The following CSMD2 variants were observed in gnomAD, a reference collection of about 807,000 sequenced individuals.
CSMD2 encodes the protein CUB and Sushi multiple domains 2.
A neutral mutation model predicts 398.5 loss-of-function variants in CSMD2; 130 were observed. The ratio of observed to expected loss-of-function variants is 0.33; its 90% CI spans 0.28 to 0.38. The LOEUF (loss-of-function observed/expected upper bound fraction) is 0.38, where lower values mean the gene tolerates loss of function less well. Among genes scored for constraint, CSMD2 ranks in the 10% least tolerant of loss-of-function variants. The pLI is 1.00. For missense variants in CSMD2, 3,829 were observed against 4,764.9 expected (o/e 0.80, Z 5.78); for synonymous variants, 1,828 against 1,908.5 (o/e 0.96, Z 1.10).
At chr1:33,714,847 C>T (rs980184583) in intron 20 of CSMD2, 72 bp from the exon 21 acceptor site, 45 of 1,453,176 alleles carry the variant, frequency 3.1e-5, no homozygotes, top group Admixed American at 5.3e-5. Flanking sequence ...TGGGAACGCA[C>T]AGGCAAAACA....
At chr1:33,958,590 G>C (rs1645245810) in intron 3 of CSMD2, among the ~76,000 whole-genome samples, 2 of 152,192 alleles carry the variant, frequency 1.3e-5, no homozygotes, top group South Asian at 4.1e-4. Flanking sequence ...TAAGCCCTGA[G>C]GGTTTAGAGG....
intron 5 of CSMD2, among the ~76,000 whole-genome samples, chr1:33,868,472 T>A (rs979121164): frequency 1.3e-5 from 2 of 152,206 alleles, no homozygotes; most frequent in Middle Eastern, 3.4e-3. Flanking sequence ...GCGCGGTGGC[T>A]CATACCTGTA....
intron 15 of CSMD2, among the ~76,000 whole-genome samples, chr1:33,733,188 C>A (rs1438649570): frequency 1.3e-5 from 2 of 152,174 alleles, no homozygotes; most frequent in Non-Finnish European, 2.9e-5. Flanking sequence ...AAGTCCTTTC[C>A]TCTGACCAGA....
chr1:34,153,023 A>C (rs1571282634), intron 1 of CSMD2, among the ~76,000 whole-genome samples: 1 of 152,132 alleles, frequency 6.6e-6, no homozygotes. Flanking sequence ...CTTTCTTTTT[A>C]ATTTTTTTTT....
chr1:33,951,529 A>C (rs1337019136), intron 3 of CSMD2, among the ~76,000 whole-genome samples: 2 of 152,180 alleles, frequency 1.3e-5, no homozygotes, highest in Non-Finnish European at 1.5e-5. Context: ...TACATCGTTG[A>C]CTGCCAAGAA....
intron 4 of CSMD2, among the ~76,000 whole-genome samples, chr1:33,929,432 C>CATTTTT (rs1186047905): frequency 4.0e-5 from 4 of 100,644 alleles, no homozygotes; most frequent in African/African-American, 1.8e-4. Context: ...CAAGCCTATA[C>CATTTTT]TTTTTTTTTT....
chr1:34,014,549 G>C (rs767341611), intron 3 of CSMD2, among the ~76,000 whole-genome samples: 1 of 152,244 alleles, frequency 6.6e-6, no homozygotes, highest in Non-Finnish European at 1.5e-5. Flanking sequence ...CCATGGTGTG[G>C]AATCCACAGT....
At chr1:34,144,736 AG>A (rs2148535265) in intron 1 of CSMD2, among the ~76,000 whole-genome samples, 1 of 152,182 alleles carries the variant, frequency 6.6e-6, no homozygotes, top group South Asian at 2.1e-4. Flanking sequence ...GAAGTAAGGG[AG>A]GGGGTGTTGA....
intron 5 of CSMD2, among the ~76,000 whole-genome samples, chr1:33,913,060 C>G (rs1558093451): frequency 6.6e-6 from 1 of 152,180 alleles, no homozygotes; most frequent in Non-Finnish European, 1.5e-5. Flanking sequence ...GATCCACCCA[C>G]CTCAGCCTCC....
chr1:33,911,768 T>C (rs943297717), intron 5 of CSMD2, among the ~76,000 whole-genome samples: 1 of 152,194 alleles, frequency 6.6e-6, no homozygotes, highest in African/African-American at 2.4e-5. Flanking sequence ...TCCAGACAGA[T>C]AGAGCAGGCA....
At chr1:33,520,720 G>A (rs1457961459) in intron 68 of CSMD2, among the ~76,000 whole-genome samples, 1 of 152,234 alleles carries the variant, frequency 6.6e-6, no homozygotes, top group Non-Finnish European at 1.5e-5. Flanking sequence ...GCTTTCAGGA[G>A]CTTGGAGCCA....
chr1:33,784,038 G>A (rs1019972919), intron 12 of CSMD2, among the ~76,000 whole-genome samples: 2 of 152,104 alleles, frequency 1.3e-5, no homozygotes, highest in African/African-American at 2.4e-5. Flanking sequence ...CAGGTGGGTG[G>A]GTTTGAGACA....
chr1:33,762,965 T>G (rs1351628209), intron 13 of CSMD2, among the ~76,000 whole-genome samples: 1 of 152,178 alleles, frequency 6.6e-6, no homozygotes, highest in Non-Finnish European at 1.5e-5. Context: ...TCTCACTCCT[T>G]GATGGGATAC....
intron 1 of CSMD2, among the ~76,000 whole-genome samples, chr1:34,121,197 T>C (rs950426291): frequency 1.3e-5 from 2 of 152,200 alleles, no homozygotes; most frequent in African/African-American, 4.8e-5. Context: ...GGTTTTCTCC[T>C]ATGTTCTTCC....
intron 2 of CSMD2, among the ~76,000 whole-genome samples, chr1:34,059,665 C>T (rs569752357): frequency 2.6e-5 from 4 of 152,118 alleles, no homozygotes; most frequent in Non-Finnish European, 5.9e-5. Flanking sequence ...ATATGGTCTC[C>T]CTCAGTGGCT....
At chr1:33,618,297 T>G (rs1246544929) in intron 37 of CSMD2, among the ~76,000 whole-genome samples, 1 of 152,000 alleles carries the variant, frequency 6.6e-6, no homozygotes, top group African/African-American at 2.4e-5. Context: ...AAACCCTCCT[T>G]CATCCCCTAC....
chr1:34,161,855 C>T (rs1641356473), intron 1 of CSMD2, among the ~76,000 whole-genome samples: 1 of 151,998 alleles, frequency 6.6e-6, no homozygotes, highest in African/African-American at 2.4e-5. Context: ...AGCCTGTTCA[C>T]AGGTCAAAGG....
At position 33,580,918 on chromosome 1, in the gene CSMD2, A is replaced by G. The variant is rs1177930538; in HGVS notation, c.7241-19T>C. 7 of 1,613,262 alleles carry G rather than the reference A, an allele frequency of 4.3e-6. No individual in the cohort carries two copies. In the East Asian group the frequency reaches 1.6e-4, roughly 36 times the overall value. ...GATGGACCTGGGGTGAGAAGGACGC[A>G]GGATTACAGACCATGGGAGCCATCA... On this transcript the variant is annotated intron_variant, in intron 47 of 70. Coordinates refer to ENST00000373381, the MANE Select transcript of CSMD2 (RefSeq NM_001281956.2).
intron 2 of CSMD2, among the ~76,000 whole-genome samples, chr1:34,043,052 G>C (rs1366564368): frequency 6.6e-6 from 1 of 152,100 alleles, no homozygotes; most frequent in Admixed American, 6.5e-5. Context: ...GCCTCCCAAA[G>C]TGCTGGGATT....
Sources: gnomAD v4.1 joint callset for allele counts (sites outside exome capture counted in the v4.1 genomes callset) on GRCh38, gnomAD v4.1.1 for gene constraint, MANE v1.5 for transcripts, NCBI Gene and HGNC (gene_info 2026-07-23, HGNC 2026-07-21) for gene names.